Variants in WASF2 observed in about 807,000 individuals in gnomAD.
WASF2 encodes actin-binding protein WASF2.
A neutral mutation model predicts 45.0 loss-of-function variants in WASF2; 14 were observed. The ratio of observed to expected loss-of-function variants is 0.31; its 90% CI spans 0.21 to 0.49. WASF2 has a LOEUF of 0.49. WASF2 is among the 20% of genes least tolerant of loss of function. WASF2 has a pLI of 0.99. For missense variants in WASF2, 439 were observed against 636.1 expected, an observed-to-expected ratio of 0.69 and a Z score of 3.33; for synonymous variants, 200 against 236.3, an observed-to-expected ratio of 0.85 and a Z score of 1.41.
At chr1:27,487,569 T>C (rs2017953624) in intron 1 of WASF2, among the ~76,000 whole-genome samples, 1 of 100,080 alleles carries the variant, frequency 1.0e-5, no homozygotes, top group Non-Finnish European at 1.8e-5. Flanking sequence ...TTATACAATA[T>C]ATAATATATA....
chr1:27,452,716 G>C (rs2017401117), intron 1 of WASF2, among the ~76,000 whole-genome samples: 1 of 150,666 alleles, frequency 6.6e-6, no homozygotes, highest in Non-Finnish European at 1.5e-5. Flanking sequence ...TACTCAGCAG[G>C]CTGAGGCAGG....
Position 27,428,919 on chromosome 1 carries a change from A to G in WASF2, c.-29T>C. On this transcript the variant is annotated 5_prime_UTR_variant, in exon 2 of 9. Coordinates refer to ENST00000618852, the MANE Select transcript of WASF2 (RefSeq NM_006990.5). ...GGACCTGCTTCAGGCAATGTTCTGA[A>G]TGGTGAAAAACAACCTAAAAAAGAA... 6.2e-7 allele frequency: 1 copy of G among 1,611,944 alleles called. No homozygotes were observed. The highest frequency in any genetic ancestry group is 1.1e-5 in the South Asian group (1 of 91,004).
intron 7 of WASF2, among the ~76,000 whole-genome samples, chr1:27,411,744 TC>T (rs2148098736): frequency 6.6e-6 from 1 of 152,268 alleles, no homozygotes; most frequent in Non-Finnish European, 1.5e-5. Flanking sequence ...GTGCCTGTAG[TC>T]CCAGCTACTC....
Position 27,414,750 on chromosome 1 carries a change from G to T in WASF2, c.668+83C>A. The T allele has an allele frequency of 6.5e-7, 1 of 1,547,402 alleles. No individual in the cohort carries two copies. The highest frequency in any genetic ancestry group is 1.2e-5 in the South Asian group (1 of 81,426). On this transcript the variant is annotated intron_variant, in intron 6 of 8. Coordinates refer to ENST00000618852, the MANE Select transcript of WASF2 (RefSeq NM_006990.5). This position sits in a 1 kb window ranked among gnomAD's most constrained non-coding sequence, Gnocchi z 4.1. ...CACAGAGACAGACTTCAGGGGGTGT[G>T]AAAGGTGTCACACCAGAGCTGTCAG...
chr1:27,430,681 C>T (rs2017049156), intron 1 of WASF2, among the ~76,000 whole-genome samples: 1 of 151,972 alleles, frequency 6.6e-6, no homozygotes, highest in Non-Finnish European at 1.5e-5. Context: ...CTCTGTCATC[C>T]AGTATGGAGT....
chr1:27,415,184 T>C, intron 5 of WASF2, among the ~76,000 whole-genome samples: 1 of 152,168 alleles, frequency 6.6e-6, no homozygotes, highest in East Asian at 1.9e-4. Context: ...CTCAAATGCC[T>C]CCAGCAACGG....
intron 1 of WASF2, among the ~76,000 whole-genome samples, chr1:27,438,427 C>T (rs1203443309): frequency 6.6e-6 from 1 of 152,182 alleles, no homozygotes; most frequent in Non-Finnish European, 1.5e-5. Context: ...CTCAATTCAC[C>T]TGGCTAGCTG....
At position 27,404,308 on chromosome 1, in the gene WASF2, C is replaced by T. The variant is rs2016631231; in HGVS notation, c.*3881G>A. On this transcript the variant is annotated 3_prime_UTR_variant, in exon 9 of 9. Transcript: ENST00000618852. Reference sequence around the variant, plus strand: ...TCATGTGTATACAGTTACATGGAACCTTCAGGTCAGTGGGGCACAAATGTG... The same window carrying T: ...TCATGTGTATACAGTTACATGGAACTTTCAGGTCAGTGGGGCACAAATGTG... The T allele has an allele frequency of 6.6e-6, 1 of 152,216 alleles. No individual in the cohort carries two copies. The highest frequency in any genetic ancestry group is 2.4e-5 in the African/African-American group (1 of 41,450). 9.4% of individuals were successfully genotyped at this position (152,216 alleles called of 1,614,324 possible). A position where few individuals can be genotyped will look rare whatever the true frequency, so the allele number is the denominator to read the frequency against.
chr1:27,422,828 T>C (rs1448849584), intron 2 of WASF2, among the ~76,000 whole-genome samples: 1 of 151,842 alleles, frequency 6.6e-6, no homozygotes, highest in Non-Finnish European at 1.5e-5. Context: ...CTCAACCACA[T>C]TACATGACTT....
At chr1:27,485,468 TA>T (rs2017910954) in intron 1 of WASF2, among the ~76,000 whole-genome samples, 2 of 152,002 alleles carry the variant, frequency 1.3e-5, no homozygotes, top group Non-Finnish European at 2.9e-5. Flanking sequence ...TTTTTAAAAT[TA>T]AAAACAAAAG....
At chr1:27,465,257 G>A (rs190025719) in intron 1 of WASF2, among the ~76,000 whole-genome samples, 41 of 152,294 alleles carry the variant, frequency 2.7e-4, no homozygotes, top group Admixed American at 9.2e-4. Context: ...CTCTAATAAA[G>A]ACTAAGAAAA....
At chr1:27,418,891 G>A in intron 3 of WASF2, 63 bp downstream of exon 3, 1 of 1,545,580 alleles carries the variant, frequency 6.5e-7, no homozygotes, top group Non-Finnish European at 8.7e-7. Context: ...AAATAAATCA[G>A]GGAAAAAAAA....
chr1:27,418,465 T>C (rs747166130), intron 3 of WASF2, 43 bp from the exon 4 acceptor site: 1 of 1,613,840 alleles, frequency 6.2e-7, no homozygotes, highest in South Asian at 1.1e-5. Context: ...CGACAGGCTA[T>C]TTGAGCAAAC....
chr1:27,456,978 G>A (rs181012885), intron 1 of WASF2, among the ~76,000 whole-genome samples: 1 of 152,104 alleles, frequency 6.6e-6, no homozygotes, highest in East Asian at 1.9e-4. Context: ...CTGACCTCAG[G>A]TGATCTGCCC....
chr1:27,442,906 G>A (rs996063486), intron 1 of WASF2, among the ~76,000 whole-genome samples: 3 of 147,782 alleles, frequency 2.0e-5, no homozygotes, highest in African/African-American at 2.5e-5. Context: ...GAGGAGAATC[G>A]CTTGAACCTG....
intron 1 of WASF2, among the ~76,000 whole-genome samples, chr1:27,453,320 G>T (rs2017410792): frequency 2.0e-5 from 3 of 151,972 alleles, no homozygotes; most frequent in Non-Finnish European, 2.9e-5. Flanking sequence ...TGCCGGGAGT[G>T]GTGGCTCACG....
chr1:27,469,658 T>C (rs773919752), intron 1 of WASF2, among the ~76,000 whole-genome samples: 8 of 152,254 alleles, frequency 5.3e-5, no homozygotes, highest in South Asian at 2.1e-4. Flanking sequence ...AGTGATGAAG[T>C]TGACCAAGCG....
intron 1 of WASF2, among the ~76,000 whole-genome samples, chr1:27,462,069 C>A (rs2017553461): frequency 6.6e-6 from 1 of 150,976 alleles, no homozygotes. Context: ...CCTCTGCCTG[C>A]CAGGTTGAAG....
At chr1:27,426,493 T>C (rs2016982965) in intron 2 of WASF2, among the ~76,000 whole-genome samples, 1 of 148,440 alleles carries the variant, frequency 6.7e-6, no homozygotes, top group African/African-American at 2.5e-5. Context: ...TGGCTGTATC[T>C]CTTTAGGCAA....
Sources: allele counts gnomAD v4.1 joint callset (sites outside exome capture counted in the v4.1 genomes callset), GRCh38; gene constraint gnomAD v4.1.1; non-coding constraint Gnocchi (gnomAD v3.1); transcripts MANE v1.5; gene names NCBI Gene and HGNC (gene_info 2026-07-23, HGNC 2026-07-21).